The following RPH3A variants were observed in gnomAD, a reference collection of about 807,000 sequenced individuals.
The protein encoded by RPH3A is rabphilin 3A.
Under a neutral mutation model 102.2 loss-of-function variants are expected in RPH3A, and 48 were observed. The ratio of observed to expected loss-of-function variants is 0.47; its 90% CI spans 0.37 to 0.60. The LOEUF (loss-of-function observed/expected upper bound fraction) is 0.60, where lower values mean the gene tolerates loss of function less well. Among genes scored for constraint, RPH3A ranks in the 20% least tolerant of loss-of-function variants. The pLI is 0.00. For synonymous variants in RPH3A, 310 were observed against 324.3 expected (o/e 0.96, Z 0.47); for missense variants, 781 against 910.1 (o/e 0.86, Z 1.83).
At chr12:112,687,791 A>G (rs1488140149) in intron 1 of RPH3A, among the ~76,000 whole-genome samples, 2 of 152,088 alleles carry the variant, frequency 1.3e-5, no homozygotes, top group African/African-American at 2.4e-5. Context: ...TCTTTCATCC[A>G]TTGGTATATG....
intron 5 of RPH3A, among the ~76,000 whole-genome samples, chr12:112,865,014 T>A (rs185165140): frequency 6.6e-6 from 1 of 152,150 alleles, no homozygotes; most frequent in Non-Finnish European, 1.5e-5. Flanking sequence ...GTAGCCAAGA[T>A]GAAAAGTTGA....
chr12:112,875,594 C>G, intron 11 of RPH3A, 85 bp from the exon 12 acceptor site: 1 of 1,209,626 alleles, frequency 8.3e-7, no homozygotes, highest in Non-Finnish European at 1.2e-6. Context: ...TGTGTCCACA[C>G]CTGTGAAATG....
At chr12:112,725,653 G>A (rs1284360937) in intron 1 of RPH3A, among the ~76,000 whole-genome samples, 1 of 152,152 alleles carries the variant, frequency 6.6e-6, no homozygotes, top group African/African-American at 2.4e-5. Context: ...TGTTCTTCTG[G>A]CCACGGTGAT....
chr12:112,760,563 G>A (rs745801716), intron 1 of RPH3A, among the ~76,000 whole-genome samples: 1 of 152,184 alleles, frequency 6.6e-6, no homozygotes, highest in Non-Finnish European at 1.5e-5. Flanking sequence ...GAACATATAT[G>A]AACAGTGCAA....
At chr12:112,762,520 T>G (rs766839724) in intron 1 of RPH3A, among the ~76,000 whole-genome samples, 8 of 152,214 alleles carry the variant, frequency 5.3e-5, no homozygotes, top group Non-Finnish European at 8.8e-5. Context: ...AATCTTATCA[T>G]TCAAGTCTTT....
chr12:112,841,929 T>C (rs1400451757), intron 4 of RPH3A: 1 of 455,922 alleles, frequency 2.2e-6, no homozygotes, highest in African/African-American at 2.0e-5. Context: ...TCTGTCTCTC[T>C]CTCCTGAATA....
At chr12:112,826,101 C>A (rs1456248189) in intron 2 of RPH3A, among the ~76,000 whole-genome samples, 2 of 142,270 alleles carry the variant, frequency 1.4e-5, no homozygotes, top group Non-Finnish European at 3.0e-5. Flanking sequence ...CTACACCGAC[C>A]CCGCTGTGGG....
At chr12:112,810,603 A>G (rs1005271930) in intron 2 of RPH3A, among the ~76,000 whole-genome samples, 2 of 152,238 alleles carry the variant, frequency 1.3e-5, no homozygotes, top group South Asian at 2.1e-4. Context: ...TGGCAGAGGA[A>G]CCAGGTCGAA....
At chr12:112,800,393 G>C (rs2041319551) in intron 2 of RPH3A, among the ~76,000 whole-genome samples, 1 of 152,132 alleles carries the variant, frequency 6.6e-6, no homozygotes, top group African/African-American at 2.4e-5. Flanking sequence ...TCACGTGATG[G>C]GGACAAAGGG....
intron 1 of RPH3A, among the ~76,000 whole-genome samples, chr12:112,766,104 A>G (rs1277062096): frequency 6.6e-6 from 1 of 152,098 alleles, no homozygotes; most frequent in Non-Finnish European, 1.5e-5. Context: ...CCCCAAGCCT[A>G]CACAAGAGGC....
chr12:112,756,037 A>G (rs990772941), intron 1 of RPH3A, among the ~76,000 whole-genome samples: 9 of 152,200 alleles, frequency 5.9e-5, no homozygotes, highest in Admixed American at 3.3e-4. Context: ...GCGAAGAAAT[A>G]TGGGGTGACT....
chr12:112,757,338 T>G (rs1374601933), intron 1 of RPH3A, among the ~76,000 whole-genome samples: 1 of 152,228 alleles, frequency 6.6e-6, no homozygotes, highest in African/African-American at 2.4e-5. Context: ...GTTAGTAGCC[T>G]TCTGCGGCAA....
chr12:112,764,565 G>C (rs1479090062), intron 1 of RPH3A, among the ~76,000 whole-genome samples: 1 of 152,178 alleles, frequency 6.6e-6, no homozygotes, highest in South Asian at 2.1e-4. Flanking sequence ...TTTCTAGTCT[G>C]CTGGCCCTGT....
chr12:112,848,841 T>G (rs1223328513), intron 5 of RPH3A, among the ~76,000 whole-genome samples: 1 of 151,248 alleles, frequency 6.6e-6, no homozygotes, highest in Non-Finnish European at 1.5e-5. Context: ...ATCATCAGGG[T>G]GGGAGGAGTG....
intron 1 of RPH3A, among the ~76,000 whole-genome samples, chr12:112,754,822 C>T (rs1039360186): frequency 6.6e-6 from 1 of 152,198 alleles, no homozygotes; most frequent in African/African-American, 2.4e-5. Context: ...TAATTATTCT[C>T]AACCTTGGCT....
intron 1 of RPH3A, among the ~76,000 whole-genome samples, chr12:112,601,313 G>A (rs1185840234): frequency 6.6e-6 from 1 of 152,226 alleles, no homozygotes; most frequent in Non-Finnish European, 1.5e-5. Context: ...AAAATGTTTG[G>A]CTCATTTCCT....
At chr12:112,584,695 ATTAC>A (rs1336125599) in intron 1 of RPH3A, among the ~76,000 whole-genome samples, 1 of 152,168 alleles carries the variant, frequency 6.6e-6, no homozygotes, top group African/African-American at 2.4e-5. Context: ...GGAGCTTTAA[ATTAC>A]TTACTTCCAC....
At position 112,684,468 on chromosome 12, in the gene RPH3A, A is replaced by G. The variant is rs563725177; in HGVS notation, c.-139-107675A>G. Among the ~76,000 whole-genome samples the G allele has an allele frequency of 5.9e-5, 9 of 151,884 alleles. 1 individual carries two copies. The South Asian group carries it at 1.9e-3, about 32-fold the overall frequency. ...TTTTTAGTAGAGACAGGGTTATGCCATGTTGGCCAGGCTGGTCTCACATTC... is the reference window on the plus strand; with the variant it reads ...TTTTTAGTAGAGACAGGGTTATGCCGTGTTGGCCAGGCTGGTCTCACATTC... On this transcript the variant is annotated intron_variant, in intron 1 of 21. Transcript: ENST00000543106.
At chr12:112,610,604 A>G (rs1433791710) in intron 1 of RPH3A, among the ~76,000 whole-genome samples, 1 of 151,414 alleles carries the variant, frequency 6.6e-6, no homozygotes, top group Non-Finnish European at 1.5e-5. Flanking sequence ...TCTTCAAAGC[A>G]CTTAAACATG....
Sources: allele counts gnomAD v4.1 joint callset (sites outside exome capture counted in the v4.1 genomes callset), GRCh38; gene constraint gnomAD v4.1.1; transcripts MANE v1.5; gene names NCBI Gene and HGNC (gene_info 2026-07-23, HGNC 2026-07-21).